UNC13C: variants seen among roughly 807,000 people sequenced by gnomAD.
UNC13C encodes unc-13 homolog C, also known as protein unc-13 homolog C.
UNC13C carries 174 observed loss-of-function variants against 245.4 expected under a neutral mutation model. That is an observed-to-expected ratio of 0.71 (90% CI 0.63 to 0.80). The LOEUF is 0.80. UNC13C is among the 30% of genes least tolerant of loss of function. The pLI is 0.00. For synonymous variants in UNC13C, 992 were observed against 895.1 expected, an observed-to-expected ratio of 1.11 and a Z score of -1.93; for missense variants, 2,829 against 2,602.9, an observed-to-expected ratio of 1.09 and a Z score of -1.89.
chr15:54,247,991 C>G (rs571488078), intron 7 of UNC13C, among the ~76,000 whole-genome samples: 1 of 152,124 alleles, frequency 6.6e-6, no homozygotes, highest in South Asian at 2.1e-4. Flanking sequence ...CACTTGACTT[C>G]AGTAAAAGGA....
chr15:54,123,432 G>T (rs1897075), intron 2 of UNC13C, among the ~76,000 whole-genome samples: 1 of 150,948 alleles, frequency 6.6e-6, no homozygotes, highest in Non-Finnish European at 1.5e-5. Context: ...TTTTTTCTTA[G>T]TATATTTCTT....
intron 24 of UNC13C, among the ~76,000 whole-genome samples, chr15:54,520,090 T>C (rs1895151445): frequency 1.3e-5 from 2 of 152,158 alleles, no homozygotes; most frequent in Admixed American, 1.3e-4. Flanking sequence ...TATTTGGGTT[T>C]ATTACACCAG....
At chr15:54,348,672 T>A (rs967963379) in intron 17 of UNC13C, among the ~76,000 whole-genome samples, 2 of 152,210 alleles carry the variant, frequency 1.3e-5, no homozygotes, top group African/African-American at 4.8e-5. Context: ...GTTTTGTGGA[T>A]GTATCTTTCT....
At chr15:54,064,510 G>T (rs187504303) in intron 2 of UNC13C, among the ~76,000 whole-genome samples, 1 of 152,150 alleles carries the variant, frequency 6.6e-6, no homozygotes. Context: ...CAATATGCAC[G>T]TGGAAGCAGT....
At chr15:53,897,063 A>G in the UNC13C span, among the ~76,000 whole-genome samples, 2 of 152,238 alleles carry the variant, frequency 1.3e-5, no homozygotes, top group African/African-American at 4.8e-5. Flanking sequence ...TAGAGAAAGT[A>G]ACTGAACCCT....
chr15:53,915,071 C>G, the UNC13C span, among the ~76,000 whole-genome samples: 2 of 152,176 alleles, frequency 1.3e-5, no homozygotes, highest in Non-Finnish European at 2.9e-5. Context: ...TGAGTTGACT[C>G]AGCCCTTTCC....
chr15:54,306,677 T>C (rs772912553), intron 13 of UNC13C, among the ~76,000 whole-genome samples: 1 of 152,020 alleles, frequency 6.6e-6, no homozygotes, highest in Non-Finnish European at 1.5e-5. Flanking sequence ...AGTCATTTAT[T>C]GTAACATGAA....
chr15:54,371,839 G>A (rs1296980995), intron 17 of UNC13C, among the ~76,000 whole-genome samples: 1 of 151,998 alleles, frequency 6.6e-6, no homozygotes, highest in Non-Finnish European at 1.5e-5. Context: ...AAATAAGCCA[G>A]GCACAGAAAG....
chr15:53,891,694 T>G, the UNC13C span, among the ~76,000 whole-genome samples: 2 of 152,208 alleles, frequency 1.3e-5, no homozygotes, highest in Admixed American at 1.3e-4. Context: ...CCTGCTCTTT[T>G]TTGCTTTCCA....
At chr15:54,292,290 T>C (rs1312268546) in intron 10 of UNC13C, among the ~76,000 whole-genome samples, 1 of 151,980 alleles carries the variant, frequency 6.6e-6, no homozygotes, top group Non-Finnish European at 1.5e-5. Flanking sequence ...GAAATTTCCT[T>C]AATGCCTGAT....
chr15:54,609,427 C>G (rs1180298211), intron 30 of UNC13C: 2 of 152,190 alleles, frequency 1.3e-5, no homozygotes, highest in African/African-American at 2.4e-5. Context: ...GTCAAAATGA[C>G]TGAGCCACAT....
At chr15:54,162,705 A>G (rs2033023016) in intron 4 of UNC13C, among the ~76,000 whole-genome samples, 1 of 152,164 alleles carries the variant, frequency 6.6e-6, no homozygotes, top group Admixed American at 6.5e-5. Flanking sequence ...TACAATACAA[A>G]CTACTTTATA....
At chr15:53,989,817 G>A (rs1894304218) in intron 1 of UNC13C, among the ~76,000 whole-genome samples, 1 of 152,008 alleles carries the variant, frequency 6.6e-6, no homozygotes, top group African/African-American at 2.4e-5. Context: ...TCTGACAGCT[G>A]CTTTAAAAGG....
downstream of UNC13C, chr15:54,631,711 G>C (rs1901460306): frequency 6.6e-6 from 1 of 152,130 alleles, no homozygotes; most frequent in Non-Finnish European, 1.5e-5. Flanking sequence ...GAATAGTACT[G>C]CACTGTATGA....
chr15:54,005,882 T>C (rs1032025632), intron 1 of UNC13C, among the ~76,000 whole-genome samples: 2 of 151,918 alleles, frequency 1.3e-5, no homozygotes, highest in Non-Finnish European at 2.9e-5. Context: ...GAGAAGAAAA[T>C]GATATTTAAG....
At chr15:54,094,156 G>C (rs900395806) in intron 2 of UNC13C, among the ~76,000 whole-genome samples, 1 of 152,090 alleles carries the variant, frequency 6.6e-6, no homozygotes, top group Non-Finnish European at 1.5e-5. Flanking sequence ...TTTGGCTTAA[G>C]GACTCCGAAG....
intron 2 of UNC13C, among the ~76,000 whole-genome samples, chr15:54,020,050 A>G (rs1386608218): frequency 2.0e-5 from 3 of 152,240 alleles, no homozygotes; most frequent in East Asian, 3.9e-4. Flanking sequence ...ATGAAAAGTA[A>G]AAAAGCTCAC....
At chr15:54,623,391 G>A (rs2141314704) in intron 31 of UNC13C, among the ~76,000 whole-genome samples, 2 of 152,190 alleles carry the variant, frequency 1.3e-5, no homozygotes, top group East Asian at 3.9e-4. Flanking sequence ...ATATCATTTT[G>A]TATATAAAGT....
chr15:54,086,599 A>C (rs1380102079), intron 2 of UNC13C, among the ~76,000 whole-genome samples: 1 of 152,154 alleles, frequency 6.6e-6, no homozygotes, highest in East Asian at 1.9e-4. Flanking sequence ...TGAAAGTTCA[A>C]AAGAGGGAGA....
Sources: allele counts gnomAD v4.1 joint callset (sites outside exome capture counted in the v4.1 genomes callset), GRCh38; gene constraint gnomAD v4.1.1; transcripts MANE v1.5; gene names NCBI Gene and HGNC (gene_info 2026-07-23, HGNC 2026-07-21).